ERMP1: variants seen among roughly 807,000 people sequenced by gnomAD.
The protein encoded by ERMP1 is endoplasmic reticulum metallopeptidase 1, also known as Felix-ina.
Under a neutral mutation model 92.0 loss-of-function variants are expected in ERMP1, and 86 were observed. The observed-to-expected ratio is 0.93, with a 90% confidence interval of 0.79 to 1.12. ERMP1 has a LOEUF of 1.12. Ranked by LOEUF, ERMP1 falls within the 50% of genes most tolerant of loss-of-function variation. The pLI, the probability that ERMP1 is intolerant of heterozygous loss-of-function variation, is 0.00. For missense variants in ERMP1, 1,342 were observed against 1,116.3 expected, an observed-to-expected ratio of 1.20 and a Z score of -2.88; for synonymous variants, 530 against 412.8, an observed-to-expected ratio of 1.28 and a Z score of -3.44.
In ERMP1 at chr9:5,787,473, T is replaced by C; in HGVS notation, c.2507A>G (p.His836Arg). The change falls in exon 14 of 15, where the codon CAT (histidine) becomes CGT (arginine). Residue 836 changes from histidine (H) to arginine (R), a missense_variant. By Grantham distance (29) the His-to-Arg change is conservative (BLOSUM62 0). Coordinates refer to ENST00000339450, the MANE Select transcript of ERMP1 (RefSeq NM_024896.3). Reference protein sequence around the residue: ...KGGDYFVFYSHGLQASAWQFW... With the variant: ...KGGDYFVFYSRGLQASAWQFW... Reference sequence around the variant, plus strand: ...CTGCCATGCAGAGGCCTGGAGTCCATGGGAGTAAAAGACAAAGTAGTCTCC... The same window carrying C: ...CTGCCATGCAGAGGCCTGGAGTCCACGGGAGTAAAAGACAAAGTAGTCTCC... 1 of 1,614,094 alleles carries C rather than the reference T, an allele frequency of 6.2e-7. No homozygotes were observed. The highest frequency in any genetic ancestry group is 1.1e-5 in the South Asian group (1 of 91,064).
chr9:5,841,673 C>A (rs1563778920), intron 6 of ERMP1, among the ~76,000 whole-genome samples: 2 of 152,160 alleles, frequency 1.3e-5, no homozygotes, highest in South Asian at 4.1e-4. Flanking sequence ...TGCCTGTAAT[C>A]CCAGCTACTC....
chr9:5,823,881 C>T lies in ERMP1; in HGVS notation c.874+15G>A, dbSNP rs1586815763. 6.5e-7 allele frequency: 1 copy of T among 1,541,846 alleles called. No individual in the cohort carries two copies. The highest frequency in any genetic ancestry group is 8.9e-7 in the Non-Finnish European group (1 of 1,120,448). On this transcript the variant is annotated intron_variant, in intron 4 of 14. Transcript: ENST00000339450. Reference sequence around the variant, plus strand: ...TAGAATTGCATTAAAATATACAACGCACAATCTCACATACCTGTTTGGAAT... The same window carrying T: ...TAGAATTGCATTAAAATATACAACGTACAATCTCACATACCTGTTTGGAAT...
intron 13 of ERMP1, among the ~76,000 whole-genome samples, chr9:5,789,688 G>A (rs958974992): frequency 1.3e-5 from 2 of 152,054 alleles, no homozygotes; most frequent in Admixed American, 6.5e-5. Context: ...AGGGTCGAGT[G>A]CAGTGGCGTG....
intron 6 of ERMP1, among the ~76,000 whole-genome samples, chr9:5,844,741 A>G (rs1830214341): frequency 1.3e-5 from 2 of 152,238 alleles, no homozygotes; most frequent in South Asian, 2.1e-4. Flanking sequence ...TTGTTTATAT[A>G]TGGGTGGATT....
At chr9:5,862,179 G>A (rs529898647) in intron 5 of ERMP1, among the ~76,000 whole-genome samples, 1 of 152,044 alleles carries the variant, frequency 6.6e-6, no homozygotes, top group African/African-American at 2.4e-5. Flanking sequence ...ACAGGTGTGT[G>A]CCACCATGCC....
In ERMP1 at chr9:5,838,542, A is replaced by AT. The variant is rs397952506; in HGVS notation, n.3200-5231_3200-5230insA. On this transcript the variant is annotated intron_variant and non_coding_transcript_variant, in intron 6 of 6. Transcript: ENST00000690753. ...CAAAACCCTGTATCAAAAAAAAAAAAGAAGAAGAAGAAGAATTCATGGTTT... is the reference window on the plus strand; with the variant it reads ...CAAAACCCTGTATCAAAAAAAAAAAATGAAGAAGAAGAAGAATTCATGGTTT... Among the ~76,000 whole-genome samples the AT allele has an allele frequency of 6.4e-4, 83 of 130,542 alleles. 1 individual carries two copies. The highest frequency in any genetic ancestry group is 3.8e-4 in the Non-Finnish European group (22 of 58,342). 85.6% of individuals were successfully genotyped at this position (130,542 alleles called of 152,430 possible).
intron 6 of ERMP1, among the ~76,000 whole-genome samples, chr9:5,840,277 A>AAGGAAGGG (rs1349501342): frequency 1.1e-4 from 16 of 152,208 alleles, no homozygotes; most frequent in African/African-American, 3.6e-4. Context: ...GAGAGAACGG[A>AAGGAAGGG]AGGAAGGGAG....
intron 6 of ERMP1, among the ~76,000 whole-genome samples, chr9:5,850,484 G>A (rs1439899782): frequency 3.3e-5 from 5 of 151,558 alleles, no homozygotes; most frequent in Admixed American, 6.6e-5. Flanking sequence ...GGTGGTTGGG[G>A]GAATTGGGAG....
chr9:5,830,860 G>A lies in ERMP1; in HGVS notation c.507C>T (p.Ser169=). ...VDVQRPTGSF[S]IDFLGGFTSY... is the part of the protein sequence containing the mutation. ...TTGTAAAACCTCCCAAGAAATCAAT[G>A]CTAAAAGAGCCTGTGGGCCGTTGTA... The change falls in exon 2 of 15, where the codon AGC becomes AGT. Residue 169 remains serine (S), a synonymous_variant. Transcript: ENST00000339450. 3 of 1,614,124 alleles carry A rather than the reference G, an allele frequency of 1.9e-6. No homozygotes were observed. In the South Asian group the frequency reaches 3.3e-5, roughly 18 times the overall value.
chr9:5,853,241 A>G (rs1367367274), intron 6 of ERMP1, among the ~76,000 whole-genome samples: 1 of 152,224 alleles, frequency 6.6e-6, no homozygotes, highest in Non-Finnish European at 1.5e-5. Flanking sequence ...ACCTTCACAA[A>G]GGGAAATTTA....
At chr9:5,821,233 T>G (rs150479831) in intron 4 of ERMP1, among the ~76,000 whole-genome samples, 4 of 152,334 alleles carry the variant, frequency 2.6e-5, no homozygotes, top group South Asian at 2.1e-4. Context: ...TAGAAAGTAG[T>G]GCATTAATGA....
intron 2 of ERMP1, among the ~76,000 whole-genome samples, chr9:5,829,352 C>T (rs1361671916): frequency 2.0e-5 from 3 of 152,082 alleles, no homozygotes; most frequent in Admixed American, 2.0e-4. Flanking sequence ...AATTGTCAAG[C>T]TTTCTAAATG....
intron 10 of ERMP1, among the ~76,000 whole-genome samples, chr9:5,802,191 C>T (rs1828698575): frequency 6.6e-6 from 1 of 152,106 alleles, no homozygotes; most frequent in South Asian, 2.1e-4. Flanking sequence ...TCCTCAGGTA[C>T]TCTGTCATAT....
chr9:5,793,965 CAA>C (rs772669255), intron 13 of ERMP1, among the ~76,000 whole-genome samples: 19 of 151,978 alleles, frequency 1.3e-4, no homozygotes, highest in Non-Finnish European at 2.1e-4. Context: ...AGCCTTCTTC[CAA>C]CAGCAACAGT....
Position 5,826,834 on chromosome 9 carries a change from T to C in ERMP1, c.641-1615A>G, listed in dbSNP as rs1013529000. On this transcript the variant is annotated intron_variant, in intron 2 of 14. Transcript: ENST00000339450. ...TTATTCAAAAAGAGAGAAAGGGAAA[T>C]TGAAAGGTATCTATACAGGGTTGAT... Among the ~76,000 whole-genome samples the C allele has an allele frequency of 2.0e-5, 3 of 152,138 alleles. No homozygotes were observed. The East Asian group carries it at 5.8e-4, about 29-fold the overall frequency.
chr9:5,797,802 T>G lies in ERMP1; in HGVS notation c.2386+15A>C, dbSNP rs1451070689. The G allele has an allele frequency of 6.7e-7, 1 of 1,486,022 alleles. No homozygotes were observed. The highest frequency in any genetic ancestry group is 1.7e-4 in the Middle Eastern group (1 of 5,766). 92.1% of individuals were successfully genotyped at this position (1,486,022 alleles called of 1,614,324 possible). ...AGAAATAAAGGAGGGGAGAAAAAAC[T>G]ATTATATGACTTACCTGTTGCTTCA... On this transcript the variant is annotated intron_variant, in intron 13 of 14. Coordinates refer to ENST00000339450, the MANE Select transcript of ERMP1 (RefSeq NM_024896.3).
At chr9:5,856,180 T>C in intron 6 of ERMP1, 1 of 287,298 alleles carries the variant, frequency 3.5e-6, no homozygotes, top group South Asian at 3.7e-5. Flanking sequence ...CCTAAAGTCC[T>C]CAGAAAACCA....
intron 13 of ERMP1, among the ~76,000 whole-genome samples, chr9:5,793,384 G>C (rs868556355): frequency 3.3e-5 from 5 of 151,938 alleles, no homozygotes; most frequent in African/African-American, 4.8e-5. Context: ...GACAAAAACA[G>C]GAAGAAAAAA....
intron 4 of ERMP1, among the ~76,000 whole-genome samples, chr9:5,822,445 A>G (rs1476576981): frequency 6.6e-6 from 1 of 152,186 alleles, no homozygotes; most frequent in Admixed American, 6.5e-5. Context: ...TAGCTAAAGT[A>G]AAATATACAT....
Sources: gnomAD v4.1 joint callset for allele counts (sites outside exome capture counted in the v4.1 genomes callset) on GRCh38, gnomAD v4.1.1 for gene constraint, MANE v1.5 for transcripts, NCBI Gene and HGNC (gene_info 2026-07-23, HGNC 2026-07-21) for gene names.